The following TCF7L2 variants were observed in gnomAD, a reference collection of about 807,000 sequenced individuals.
TCF7L2 encodes transcription factor 7 like 2, also known as transcription factor 7-like 2.
TCF7L2 carries 23 observed loss-of-function variants against 77.9 expected under a neutral mutation model. That is an observed-to-expected ratio of 0.30 (90% confidence interval 0.21 to 0.42). The LOEUF (loss-of-function observed/expected upper bound fraction) is 0.42, where lower values mean the gene tolerates loss of function less well. TCF7L2 is among the 10% of genes least tolerant of loss of function. TCF7L2 has a pLI of 1.00. For synonymous variants in TCF7L2, 413 were observed against 340.2 expected (o/e 1.21, Z -2.36); for missense variants, 654 against 793.1 (o/e 0.82, Z 2.11).
intron 3 of TCF7L2, among the ~76,000 whole-genome samples, chr10:112,960,892 C>G (rs1311926698): frequency 6.6e-6 from 1 of 151,906 alleles, no homozygotes; most frequent in Non-Finnish European, 1.5e-5. Flanking sequence ...GGTGTTTCGC[C>G]ATCTTGGCCA....
intron 4 of TCF7L2, among the ~76,000 whole-genome samples, chr10:113,032,402 AT>A (rs1421194536): frequency 6.6e-6 from 1 of 152,164 alleles, no homozygotes; most frequent in Non-Finnish European, 1.5e-5. Context: ...GTTTTGCTTC[AT>A]TGTCTTCATC....
chr10:113,036,575 T>C (rs143704924), intron 4 of TCF7L2, among the ~76,000 whole-genome samples: 280 of 152,232 alleles, frequency 1.8e-3, no homozygotes, highest in African/African-American at 6.4e-3. Flanking sequence ...CTGAGACATA[T>C]CATAAAATAT....
chr10:112,964,652 T>G, intron 4 of TCF7L2, 28 bp downstream of exon 4: 1 of 1,598,280 alleles, frequency 6.3e-7, no homozygotes, highest in Non-Finnish European at 8.6e-7. Flanking sequence ...TTCTGAAGCT[T>G]GAATTGTCTA....
Position 113,011,344 on chromosome 10 carries a change from G to C in TCF7L2, c.451-28681G>C, listed in dbSNP as rs113568338. Among the ~76,000 whole-genome samples the C allele has an allele frequency of 7.8e-3, 1,180 of 151,056 alleles. 21 individuals carry two copies. The highest frequency in any genetic ancestry group is 0.027 in the African/African-American group (1,113 of 41,518). On this transcript the variant is annotated intron_variant, in intron 4 of 13. Transcript: ENST00000627217. ...GCCAAGCCAGAGATCTGGTGGTAGT[G>C]GGGGGTTTCCAAGCTAGAATGGTTG...
At chr10:113,053,924 C>G (rs1205020268) in intron 5 of TCF7L2, among the ~76,000 whole-genome samples, 1 of 152,190 alleles carries the variant, frequency 6.6e-6, no homozygotes, top group Non-Finnish European at 1.5e-5. Context: ...GGAAGTTGAA[C>G]CCAAGGAGTC....
chr10:112,985,860 T>TGTGTG (rs946184768), intron 4 of TCF7L2, among the ~76,000 whole-genome samples: 1 of 146,608 alleles, frequency 6.8e-6, no homozygotes, highest in East Asian at 2.0e-4. Flanking sequence ...AGCCTGTAGT[T>TGTGTG]TGTGTGTGTG....
At chr10:113,154,058 C>T (rs1334106127) in intron 11 of TCF7L2, among the ~76,000 whole-genome samples, 1 of 152,254 alleles carries the variant, frequency 6.6e-6, no homozygotes, top group Non-Finnish European at 1.5e-5. Flanking sequence ...GTGTGCTCTG[C>T]TGAGAGCCCT....
At chr10:112,952,539 G>A (rs2032071163) in intron 3 of TCF7L2, among the ~76,000 whole-genome samples, 1 of 152,194 alleles carries the variant, frequency 6.6e-6, no homozygotes, top group Admixed American at 6.5e-5. Context: ...TATTTCTAGG[G>A]AATTTTGGCG....
chr10:113,155,987 C>G (rs894111491), intron 11 of TCF7L2, among the ~76,000 whole-genome samples: 21 of 152,248 alleles, frequency 1.4e-4, no homozygotes, highest in African/African-American at 4.3e-4. Context: ...GGCCCCTTCC[C>G]CTCACAGAAA....
intron 11 of TCF7L2, among the ~76,000 whole-genome samples, chr10:113,153,067 G>A (rs1347417084): frequency 6.6e-6 from 1 of 152,222 alleles, no homozygotes; most frequent in African/African-American, 2.4e-5. Flanking sequence ...CAGGGAAAGT[G>A]TGCTATGCGG....
intron 5 of TCF7L2, among the ~76,000 whole-genome samples, chr10:113,114,240 A>G (rs2063467303): frequency 6.6e-6 from 1 of 152,210 alleles, no homozygotes; most frequent in African/African-American, 2.4e-5. Context: ...CATTTTCCCA[A>G]GGAATATTGG....
intron 5 of TCF7L2, among the ~76,000 whole-genome samples, chr10:113,111,964 C>CA (rs2063184262): frequency 6.6e-6 from 1 of 152,082 alleles, no homozygotes; most frequent in African/African-American, 2.4e-5. Context: ...AGATGCTAGA[C>CA]AAAAACAAGA....
chr10:112,954,180 T>C (rs2032854790), intron 3 of TCF7L2, among the ~76,000 whole-genome samples: 1 of 130,838 alleles, frequency 7.6e-6, no homozygotes, highest in African/African-American at 3.5e-5. Context: ...CCTTAGTGTT[T>C]TATAGGGTGT....
intron 4 of TCF7L2, among the ~76,000 whole-genome samples, chr10:112,985,451 A>G (rs540078754): frequency 6.6e-6 from 1 of 152,184 alleles, no homozygotes; most frequent in African/African-American, 2.4e-5. Flanking sequence ...ATAAACACAT[A>G]CATTGATTTT....
At chr10:113,125,155 G>A (rs559416369) in intron 5 of TCF7L2, among the ~76,000 whole-genome samples, 7 of 151,932 alleles carry the variant, frequency 4.6e-5, no homozygotes, top group Non-Finnish European at 8.8e-5. Flanking sequence ...TTCCTGAGCC[G>A]CTACAGTAAA....
chr10:113,060,190 T>C (rs963599748), intron 5 of TCF7L2, among the ~76,000 whole-genome samples: 4 of 152,198 alleles, frequency 2.6e-5, no homozygotes, highest in Non-Finnish European at 4.4e-5. Context: ...TAAAAATGCA[T>C]TTAGTGATAA....
intron 5 of TCF7L2, among the ~76,000 whole-genome samples, chr10:113,064,717 A>G (rs1276491273): frequency 6.6e-6 from 1 of 152,226 alleles, no homozygotes; most frequent in Non-Finnish European, 1.5e-5. Context: ...AGTTCACGGC[A>G]TATAAAACTA....
chr10:113,124,009 T>C (rs979292081), intron 5 of TCF7L2, among the ~76,000 whole-genome samples: 2 of 152,192 alleles, frequency 1.3e-5, no homozygotes, highest in Non-Finnish European at 2.9e-5. Flanking sequence ...AGATTTTTCT[T>C]TGTTTTCAGC....
chr10:113,070,269 T>TTATATATA (rs34181424), intron 5 of TCF7L2, among the ~76,000 whole-genome samples: 11,787 of 123,706 alleles, frequency 0.095, 684 homozygotes, highest in Non-Finnish European at 0.11. Context: ...AAAAAAAAAT[T>TTATATATA]TATATATATA....
Sources: allele counts gnomAD v4.1 joint callset (sites outside exome capture counted in the v4.1 genomes callset), GRCh38; gene constraint gnomAD v4.1.1; transcripts MANE v1.5; gene names NCBI Gene and HGNC (gene_info 2026-07-23, HGNC 2026-07-21).